DAG1: variants seen among roughly 807,000 people sequenced by gnomAD.
The protein encoded by DAG1 is dystroglycan 1 (dystrophin-associated glycoprotein 1).
DAG1 carries 8 observed loss-of-function variants against 46.1 expected under a neutral mutation model. That is an observed-to-expected ratio of 0.17 (90% confidence interval 0.10 to 0.31). DAG1 has a LOEUF of 0.31. DAG1 is among the 10% of genes least tolerant of loss of function. DAG1 has a pLI of 1.00. For synonymous variants in DAG1, 495 were observed against 481.8 expected, an observed-to-expected ratio of 1.03 and a Z score of -0.36; for missense variants, 1,003 against 1,189.9, an observed-to-expected ratio of 0.84 and a Z score of 2.31.
intron 1 of DAG1, among the ~76,000 whole-genome samples, chr3:49,496,428 G>A (rs1168659984): frequency 1.3e-5 from 2 of 148,456 alleles, no homozygotes; most frequent in African/African-American, 5.0e-5. Flanking sequence ...CGCGATCTCG[G>A]CTCACCACAA....
intron 2 of DAG1, among the ~76,000 whole-genome samples, chr3:49,520,831 C>T (rs545543160): frequency 6.6e-6 from 1 of 152,314 alleles, no homozygotes; most frequent in South Asian, 2.1e-4. Context: ...GTACATCTGT[C>T]TAGAGTCTTT....
intron 1 of DAG1, among the ~76,000 whole-genome samples, chr3:49,475,721 G>A (rs2049664618): frequency 7.1e-6 from 1 of 140,694 alleles, no homozygotes; most frequent in Non-Finnish European, 1.5e-5. Context: ...TTTTTGAGAC[G>A]GAGTCTGCTC....
chr3:49,492,047 C>G (rs1280228218), intron 1 of DAG1, among the ~76,000 whole-genome samples: 1 of 152,126 alleles, frequency 6.6e-6, no homozygotes, highest in Non-Finnish European at 1.5e-5. Flanking sequence ...CTGCCTCAGC[C>G]TCCTGAATAA....
At chr3:49,515,365 T>C (rs1202904679) in intron 2 of DAG1, among the ~76,000 whole-genome samples, 3 of 150,624 alleles carry the variant, frequency 2.0e-5, no homozygotes, top group Non-Finnish European at 3.0e-5. Flanking sequence ...TAACTTTTAA[T>C]GGCTGCCTAA....
upstream of DAG1, chr3:49,469,147 C>A (rs561823561): frequency 6.6e-6 from 1 of 152,350 alleles, no homozygotes; most frequent in East Asian, 1.9e-4. Context: ...CCAGGGAGCC[C>A]CAGAGCTCTC....
rs1491498544 is a variant in DAG1 at position 49,514,803 on chromosome 3, A to ATGTG, written c.285+3985_285+3986insGTGT. Among the ~76,000 whole-genome samples, 5 of 119,176 alleles carry ATGTG rather than the reference A, an allele frequency of 4.2e-5. No homozygotes were observed. The South Asian group carries it at 9.7e-4, about 23-fold the overall frequency. The allele number at this position is 119,176 out of a possible 152,430, so 78.2% of individuals were successfully genotyped here. On this transcript the variant is annotated intron_variant, in intron 2 of 2. Coordinates refer to ENST00000308775, the MANE Select transcript of DAG1 (RefSeq NM_004393.6). ...ATAGGCTTGAACCACCACTCCTGGC[A>ATGTG]TATGTGTGTGTGTGTGTGTGTGTGT...
chr3:49,512,688 T>C (rs1470848774), intron 2 of DAG1, among the ~76,000 whole-genome samples: 2 of 151,270 alleles, frequency 1.3e-5, no homozygotes, highest in Non-Finnish European at 2.9e-5. Flanking sequence ...TTTTTTTAGT[T>C]TGGGCGTGAT....
At chr3:49,475,811 C>G (rs1479800299) in intron 1 of DAG1, among the ~76,000 whole-genome samples, 5 of 151,378 alleles carry the variant, frequency 3.3e-5, no homozygotes, top group Non-Finnish European at 2.9e-5. Context: ...TCATGACATT[C>G]TCCTGCCTCG....
intron 2 of DAG1, among the ~76,000 whole-genome samples, chr3:49,521,584 C>T (rs1450080698): frequency 1.3e-5 from 2 of 151,902 alleles, no homozygotes; most frequent in Non-Finnish European, 1.5e-5. Context: ...CCTCAGCCTC[C>T]TGAGTAGCTG....
At chr3:49,489,115 GAC>G (rs2050114398) in intron 1 of DAG1, among the ~76,000 whole-genome samples, 1 of 147,086 alleles carries the variant, frequency 6.8e-6, no homozygotes, top group South Asian at 2.1e-4. Context: ...TTTTTTTTGA[GAC>G]ACAGTTTTGC....
chr3:49,503,819 C>A (rs1177411356), intron 1 of DAG1, among the ~76,000 whole-genome samples: 1 of 141,522 alleles, frequency 7.1e-6, no homozygotes, highest in Non-Finnish European at 1.5e-5. Flanking sequence ...CAGAGTGAGA[C>A]CCTGTCTCAA....
chr3:49,534,497 C>T lies in DAG1; in HGVS notation c.*1298C>T, dbSNP rs1016155513. 6.6e-6 allele frequency: 1 copy of T among 152,572 alleles called. No homozygotes were observed. Among genetic ancestry groups the T allele is most frequent in the African/African-American group, 2.4e-5 (1 of 41,456 alleles). 9.5% of individuals were successfully genotyped at this position (152,572 alleles called of 1,614,324 possible). On this transcript the variant is annotated 3_prime_UTR_variant, in exon 3 of 3. Transcript: ENST00000308775. The stretch of plus-strand genomic sequence containing the variant: ...TTTTACTAAAGTTTTTATACAGCCT[C>T]AAATTGTTTTATTAAAAAAAAGATT...
At chr3:49,482,147 G>A (rs1017435621) in intron 1 of DAG1, among the ~76,000 whole-genome samples, 1 of 152,174 alleles carries the variant, frequency 6.6e-6, no homozygotes, top group Non-Finnish European at 1.5e-5. Flanking sequence ...AGTATACTTG[G>A]TAAAAGTCAT....
At chr3:49,486,848 G>A (rs1402886317) in intron 1 of DAG1, among the ~76,000 whole-genome samples, 1 of 152,172 alleles carries the variant, frequency 6.6e-6, no homozygotes, top group Non-Finnish European at 1.5e-5. Context: ...ATACCTAAGA[G>A]TGAACTGTTA....
chr3:49,484,458 C>G (rs1424303239), intron 1 of DAG1, among the ~76,000 whole-genome samples: 5 of 152,062 alleles, frequency 3.3e-5, no homozygotes. Flanking sequence ...CACCTGATTA[C>G]CTGATTTAAT....
Position 49,530,824 on chromosome 3 carries a change from C to T in DAG1, c.313C>T (p.Pro105Ser), listed in dbSNP as rs778305790. 5 of 1,614,162 alleles carry T rather than the reference C, an allele frequency of 3.1e-6. No homozygotes were observed. In the South Asian group the frequency reaches 4.4e-5, roughly 14 times the overall value. ...KVSAAGKEAL[P>S]SWLHWDSQSH... ...ATCAGCGGCAGGGAAGGAGGCTTTG[C>T]CATCTTGGCTGCACTGGGACTCACA... is the stretch of plus-strand genomic sequence containing the variant. Residue 105 changes from proline (P) to serine (S), a missense_variant, in exon 3 of 3, where the codon CCA (proline) becomes TCA (serine). Around this residue, in one of 3 missense-constraint regions of DAG1, gnomAD observed 196 missense variants for 239.1 expected, o/e 0.82. Transcript: ENST00000308775.
rs372886405 is a variant in DAG1 at position 49,513,194 on chromosome 3, A to G, written c.285+2375A>G. On this transcript the variant is annotated intron_variant, in intron 2 of 2. Transcript: ENST00000308775. ...AATTCACTTCTAAGTTGGCTCATTC[A>G]TGGCTGGCAAGTTGATGCTGCCTGT... Among the ~76,000 whole-genome samples, 18 of 152,190 alleles carry G rather than the reference A, an allele frequency of 1.2e-4. No individual in the cohort carries two copies. The East Asian group carries it at 2.5e-3, about 21-fold the overall frequency.
Position 49,533,250 on chromosome 3 carries a change from A to G in DAG1, c.*51A>G. 6.2e-7 allele frequency: 1 copy of G among 1,600,760 alleles called. No homozygotes were observed. Reference sequence around the variant, plus strand: ...GGTAGGGCAGGGGCCTGGAGACGACATGGTGTTGTCTGTGGAGACCGGTGG... The same window carrying G: ...GGTAGGGCAGGGGCCTGGAGACGACGTGGTGTTGTCTGTGGAGACCGGTGG... On this transcript the variant is annotated 3_prime_UTR_variant, in exon 3 of 3. Coordinates refer to ENST00000308775, the MANE Select transcript of DAG1 (RefSeq NM_004393.6).
chr3:49,512,611 C>A lies in DAG1; in HGVS notation c.285+1792C>A, dbSNP rs1244933549. Among the ~76,000 whole-genome samples, 3 of 151,158 alleles carry A rather than the reference C, an allele frequency of 2.0e-5. No individual in the cohort carries two copies. In the East Asian group the frequency reaches 6.0e-4, roughly 30 times the overall value. ...TTCACCATGTTGGCCAGGCTGGTCTCAAACTCCTTATCTCGGGTGATCTGT... is the reference window on the plus strand; with the variant it reads ...TTCACCATGTTGGCCAGGCTGGTCTAAAACTCCTTATCTCGGGTGATCTGT... On this transcript the variant is annotated intron_variant, in intron 2 of 2. Coordinates refer to ENST00000308775, the MANE Select transcript of DAG1 (RefSeq NM_004393.6).
Sources: allele counts gnomAD v4.1 joint callset (sites outside exome capture counted in the v4.1 genomes callset), GRCh38; gene constraint gnomAD v4.1.1; regional missense constraint gnomAD v4.1.1; transcripts MANE v1.5; gene names NCBI Gene and HGNC (gene_info 2026-07-23, HGNC 2026-07-21).